Variants in VIT observed in about 807,000 individuals in gnomAD.
VIT encodes vitrin.
A neutral mutation model predicts 78.0 loss-of-function variants in VIT; 99 were observed. That is an observed-to-expected ratio of 1.27 (90% CI 1.08 to 1.50). VIT has a LOEUF of 1.50. Among genes scored for constraint, VIT ranks in the 40% most tolerant of loss-of-function variants. VIT has a pLI of 0.00. For missense variants in VIT, 1,126 were observed against 875.3 expected, an observed-to-expected ratio of 1.29 and a Z score of -3.61; for synonymous variants, 374 against 334.3, an observed-to-expected ratio of 1.12 and a Z score of -1.29.
At position 36,741,002 on chromosome 2, in the gene VIT, T is replaced by C. The variant is rs540880033; in HGVS notation, c.119-2098T>C. On this transcript the variant is annotated intron_variant, in intron 3 of 15. Transcript: ENST00000379242. Reference sequence around the variant, plus strand: ...AAAATCTCACAGTGCCAGAGTCACATCAAAATTTAATCTTAATGCACACAG... The same window carrying C: ...AAAATCTCACAGTGCCAGAGTCACACCAAAATTTAATCTTAATGCACACAG... Among the ~76,000 whole-genome samples, 28 of 152,308 alleles carry C rather than the reference T, an allele frequency of 1.8e-4. No homozygotes were observed. The East Asian group carries it at 5.0e-3, about 27-fold the overall frequency.
At chr2:36,782,624 G>C (rs1361351153) in intron 10 of VIT, among the ~76,000 whole-genome samples, 3 of 152,078 alleles carry the variant, frequency 2.0e-5, no homozygotes, top group Non-Finnish European at 2.9e-5. Flanking sequence ...AGCCTAAAAG[G>C]ATTCGCTTTT....
At chr2:36,699,512 G>A (rs910391652) in intron 1 of VIT, among the ~76,000 whole-genome samples, 29 of 48,256 alleles carry the variant, frequency 6.0e-4, no homozygotes, top group African/African-American at 1.3e-3. Context: ...ACAATTAGAG[G>A]GGGTTATATA....
intron 12 of VIT, chr2:36,787,651 T>A: frequency 3.0e-6 from 1 of 330,826 alleles, no homozygotes; most frequent in Non-Finnish European, 5.8e-6. Context: ...ATCATGAAGG[T>A]TGGATCTGCT....
chr2:36,791,410 C>T (rs530336569), intron 12 of VIT, among the ~76,000 whole-genome samples: 10 of 152,286 alleles, frequency 6.6e-5, no homozygotes, highest in African/African-American at 1.9e-4. Flanking sequence ...AAAATAATGA[C>T]CCCGAAGTTG....
rs781780147 is a variant in VIT at position 36,808,724 on chromosome 2, C to T, written c.1642C>T (p.Arg548Cys). The change falls in exon 15 of 16, where the codon CGC (arginine) becomes TGC (cysteine). Residue 548 changes from arginine to cysteine, a missense_variant. Arg to Cys is a radical substitution (Grantham distance 180). Coordinates refer to ENST00000379242, the MANE Select transcript of VIT (RefSeq NM_053276.4). ...KEFEISDTDT[R>C]IGAVQYTYEQ... ...GTTTGAGATTTCCGACACGGACACGCGCATCGGGGCCGTGCAGTACACCTA... is the reference window on the plus strand; with the variant it reads ...GTTTGAGATTTCCGACACGGACACGTGCATCGGGGCCGTGCAGTACACCTA... 3.7e-5 allele frequency: 59 copies of T among 1,614,106 alleles called. No individual in the cohort carries two copies. Among genetic ancestry groups the T allele is most frequent in the Non-Finnish European group, 4.5e-5 (53 of 1,180,052 alleles).
chr2:36,812,834 A>G (rs1262535300), intron 15 of VIT, among the ~76,000 whole-genome samples: 1 of 147,292 alleles, frequency 6.8e-6, no homozygotes, highest in Non-Finnish European at 1.5e-5. Flanking sequence ...CCAAACTACC[A>G]GTGTCTTGGT....
At chr2:36,748,816 C>T (rs1181879029) in intron 4 of VIT, among the ~76,000 whole-genome samples, 1 of 152,218 alleles carries the variant, frequency 6.6e-6, no homozygotes, top group African/African-American at 2.4e-5. Context: ...TCTGTGTCTG[C>T]ATTGCCTCTC....
chr2:36,739,791 C>T (rs929102280), intron 3 of VIT, among the ~76,000 whole-genome samples: 3 of 152,162 alleles, frequency 2.0e-5, no homozygotes, highest in African/African-American at 7.2e-5. Flanking sequence ...GGCCAAGCAA[C>T]AGGTTTCTGT....
chr2:36,761,052 A>T, intron 6 of VIT, among the ~76,000 whole-genome samples: 1 of 151,858 alleles, frequency 6.6e-6, no homozygotes, highest in Non-Finnish European at 1.5e-5. Flanking sequence ...CCCTATTTTT[A>T]CCATGAGTGG....
At chr2:36,723,769 T>C (rs925149488) in intron 2 of VIT, among the ~76,000 whole-genome samples, 3 of 152,054 alleles carry the variant, frequency 2.0e-5, no homozygotes, top group African/African-American at 7.2e-5. Context: ...CTGGGTAACA[T>C]AGTGAGGCTC....
intron 4 of VIT, among the ~76,000 whole-genome samples, chr2:36,747,707 T>C (rs1668222938): frequency 6.6e-6 from 1 of 152,214 alleles, no homozygotes; most frequent in African/African-American, 2.4e-5. Context: ...TTAATCCAAC[T>C]TGCCACACTG....
chr2:36,795,107 G>A (rs865870571), intron 12 of VIT, among the ~76,000 whole-genome samples: 25 of 152,266 alleles, frequency 1.6e-4, no homozygotes, highest in African/African-American at 5.3e-4. Context: ...CTAGGGATTG[G>A]AAGCTAGGAG....
chr2:36,787,289 A>G lies in VIT; in HGVS notation c.1058+13A>G, dbSNP rs1015902729. The G allele has an allele frequency of 6.2e-7, 1 of 1,600,862 alleles. No individual in the cohort carries two copies. Among genetic ancestry groups the G allele is most frequent in the Non-Finnish European group, 8.5e-7 (1 of 1,171,494 alleles). On this transcript the variant is annotated intron_variant, in intron 12 of 15. Coordinates refer to ENST00000379242, the MANE Select transcript of VIT (RefSeq NM_053276.4). ...TTGTCCAGTATGGGTAAGTGCAGTT[A>G]ATGTTCTGAATCCAGAAAGGAAGTC...
At chr2:36,740,693 C>G (rs567427524) in intron 3 of VIT, among the ~76,000 whole-genome samples, 43 of 152,114 alleles carry the variant, frequency 2.8e-4, no homozygotes, top group African/African-American at 9.9e-4. Context: ...TAAGGTACTT[C>G]CCTGACATTT....
chr2:36,787,341 G>A (rs143452603), intron 12 of VIT, 65 bp downstream of exon 12: 39 of 1,555,382 alleles, frequency 2.5e-5, no homozygotes, highest in African/African-American at 1.9e-4. Context: ...TTTATGCCAC[G>A]TGCTTAATTT....
At chr2:36,740,584 C>T (rs1345527703) in intron 3 of VIT, among the ~76,000 whole-genome samples, 2 of 152,144 alleles carry the variant, frequency 1.3e-5, no homozygotes, top group Non-Finnish European at 2.9e-5. Context: ...TGCATGAACA[C>T]ACGTGCCTGA....
At position 36,730,168 on chromosome 2, in the gene VIT, A is replaced by G. The variant is rs528533419; in HGVS notation, c.118+677A>G. Among the ~76,000 whole-genome samples, 5 of 152,158 alleles carry G rather than the reference A, an allele frequency of 3.3e-5. No homozygotes were observed. The South Asian group carries it at 1.0e-3, about 32-fold the overall frequency. ...CCAGGCCTGATGGCGCATGCCTGTA[A>G]TCCCAGCCATTAGGGAGGCTGAGGC... On this transcript the variant is annotated intron_variant, in intron 3 of 15. Coordinates refer to ENST00000379242, the MANE Select transcript of VIT (RefSeq NM_053276.4).
intron 2 of VIT, among the ~76,000 whole-genome samples, chr2:36,726,547 T>C (rs1666858272): frequency 6.6e-6 from 1 of 152,028 alleles, no homozygotes; most frequent in East Asian, 1.9e-4. Flanking sequence ...GGAGAGAATA[T>C]ATAAAAAGCC....
intron 12 of VIT, among the ~76,000 whole-genome samples, chr2:36,795,287 T>C (rs1382107185): frequency 6.6e-6 from 1 of 152,006 alleles, no homozygotes; most frequent in Non-Finnish European, 1.5e-5. Context: ...GGAAAAAGAA[T>C]GGAGTCACCT....
Sources: allele counts gnomAD v4.1 joint callset (sites outside exome capture counted in the v4.1 genomes callset), GRCh38; gene constraint gnomAD v4.1.1; transcripts MANE v1.5; gene names NCBI Gene and HGNC (gene_info 2026-07-23, HGNC 2026-07-21).